The following PSMG4 variants were observed in gnomAD, a reference collection of about 807,000 sequenced individuals.
The protein encoded by PSMG4 is proteasome (prosome, macropain) assembly chaperone 4.
Under a neutral mutation model 11.0 loss-of-function variants are expected in PSMG4, and 10 were observed. That is an observed-to-expected ratio of 0.91 (90% CI 0.56 to 1.54). The LOEUF (loss-of-function observed/expected upper bound fraction) is 1.54, where lower values mean the gene tolerates loss of function less well. PSMG4 is among the 40% of genes most tolerant of loss of function. PSMG4 has a pLI of 0.00. For missense variants in PSMG4, 198 were observed against 160.9 expected (o/e 1.23, Z -1.25); for synonymous variants, 95 against 71.3 (o/e 1.33, Z -1.68).
At chr6:3,254,495 T>TG (rs1285232660), upstream of PSMG4, among the ~76,000 whole-genome samples, 1 of 151,990 alleles carries the variant, frequency 6.6e-6, no homozygotes, top group Admixed American at 6.6e-5. Context: ...GCTGGTGGTT[T>TG]TTTGTGTATG....
In PSMG4 at chr6:3,267,641, G is replaced by A; in HGVS notation, c.301G>A (p.Asp101Asn). ...TGTCAGCTATAACCTTCAGAACACA[G>A]ACAGTAACTTCGCATTACTTGTAGA... ...VFVSYNLQNT[D>N]SNFALLVENR... The change falls in exon 3 of 3, where the codon GAC (aspartate) becomes AAC (asparagine). Residue 101 changes from aspartate (D) to asparagine (N), a missense_variant. Transcript: ENST00000438998. 6.4e-7 allele frequency: 1 copy of A among 1,552,136 alleles called. No individual in the cohort carries two copies.
chr6:3,259,443 G>C (rs927697298), intron 1 of PSMG4, among the ~76,000 whole-genome samples: 1 of 152,240 alleles, frequency 6.6e-6, no homozygotes, highest in African/African-American at 2.4e-5. Context: ...ACTGGTCTCT[G>C]TAGGTCAGAA....
At chr6:3,260,291 A>ATATATATTTTTTTT in intron 1 of PSMG4, among the ~76,000 whole-genome samples, 3 of 70,840 alleles carry the variant, frequency 4.2e-5, no homozygotes, top group African/African-American at 1.6e-4. Context: ...ATATATATAT[A>ATATATATTTTTTTT]TTTTTTTTTT....
chr6:3,256,134 C>T (rs962798154), upstream of PSMG4, among the ~76,000 whole-genome samples: 12 of 152,182 alleles, frequency 7.9e-5, no homozygotes, highest in African/African-American at 2.4e-4. Flanking sequence ...ACCATCCTCC[C>T]CAGGATGGAA....
intron 2 of PSMG4, chr6:3,264,740 A>G (rs1231691365): frequency 1.3e-5 from 2 of 155,420 alleles, no homozygotes; most frequent in Non-Finnish European, 2.8e-5. Context: ...TAAAATTTAC[A>G]GAAAAGTTGC....
chr6:3,261,712 C>T (rs1439114041), intron 1 of PSMG4, among the ~76,000 whole-genome samples: 1 of 152,186 alleles, frequency 6.6e-6, no homozygotes, highest in Non-Finnish European at 1.5e-5. Context: ...TAGGCATTAG[C>T]TTAAGGCAGG....
In PSMG4 at chr6:3,259,002, G is replaced by A; in HGVS notation, c.-21G>A. The A allele has an allele frequency of 8.1e-7, 1 of 1,241,588 alleles. No homozygotes were observed. Among genetic ancestry groups the A allele is most frequent in the South Asian group, 3.8e-5 (1 of 26,520 alleles). The allele number at this position is 1,241,588 out of a possible 1,614,324, so 76.9% of individuals were successfully genotyped here. ...GCGAGGACCCGGGTCTGGCGCTGTG[G>A]GCCGGGAGCCGTGGGGCGGCATGGA... On this transcript the variant is annotated 5_prime_UTR_variant, in exon 1 of 3. Coordinates refer to ENST00000438998, the MANE Select transcript of PSMG4 (RefSeq NM_001128591.2).
At chr6:3,261,745 G>C (rs11242839) in intron 1 of PSMG4, among the ~76,000 whole-genome samples, 5 of 151,698 alleles carry the variant, frequency 3.3e-5, no homozygotes, top group Admixed American at 1.3e-4. Context: ...CCTGTGACCC[G>C]TGGGGCGGCC....
upstream of PSMG4, among the ~76,000 whole-genome samples, chr6:3,255,528 GTC>G (rs1315626495): frequency 6.6e-6 from 1 of 152,166 alleles, no homozygotes; most frequent in Non-Finnish European, 1.5e-5. Context: ...CTGCCCATGA[GTC>G]TGTATAGACT....
At chr6:3,257,830 TTG>T (rs1161104572), upstream of PSMG4, among the ~76,000 whole-genome samples, 1 of 152,210 alleles carries the variant, frequency 6.6e-6, no homozygotes, top group Non-Finnish European at 1.5e-5. Flanking sequence ...AGACTTCAAT[TTG>T]TACACTATAT....
intron 1 of PSMG4, among the ~76,000 whole-genome samples, chr6:3,261,190 G>C (rs1757976616): frequency 6.6e-6 from 1 of 152,088 alleles, no homozygotes; most frequent in African/African-American, 2.4e-5. Flanking sequence ...GCCTTGGGAA[G>C]GAGATGGCAT....
upstream of PSMG4, among the ~76,000 whole-genome samples, chr6:3,257,083 AGAT>A (rs1433276509): frequency 5.9e-5 from 9 of 152,216 alleles, no homozygotes; most frequent in Non-Finnish European, 1.3e-4. Flanking sequence ...GGTCCAATGA[AGAT>A]AAGCATTTTA....
chr6:3,259,028 G>A lies in PSMG4; in HGVS notation c.6G>A (p.Glu2=). The change falls in exon 1 of 3, where the codon GAG becomes GAA. Residue 2 remains glutamate (E), a synonymous_variant. Coordinates refer to ENST00000438998, the MANE Select transcript of PSMG4 (RefSeq NM_001128591.2). ...GCCGGGAGCCGTGGGGCGGCATGGA[G>A]GGGCTGGTTGTCGCCGCCGGCGGGG... M[E]GLVVAAGGDV... is the part of the protein sequence containing the mutation. 8.0e-7 allele frequency: 1 copy of A among 1,248,430 alleles called. No homozygotes were observed. Among genetic ancestry groups the A allele is most frequent in the African/African-American group, 1.5e-5 (1 of 64,582 alleles). 77.3% of individuals were successfully genotyped at this position (1,248,430 alleles called of 1,614,324 possible). A position where few individuals can be genotyped will look rare whatever the true frequency, so the allele number is the denominator to read the frequency against.
At chr6:3,266,996 C>T (rs1303966239) in intron 2 of PSMG4, 1 of 151,034 alleles carries the variant, frequency 6.6e-6, no homozygotes, top group Admixed American at 6.6e-5. Context: ...GCTGGGACTA[C>T]AGGCGCCCGC....
At chr6:3,256,807 T>C (rs746974506), upstream of PSMG4, among the ~76,000 whole-genome samples, 18 of 152,194 alleles carry the variant, frequency 1.2e-4, no homozygotes, top group Non-Finnish European at 2.2e-4. Flanking sequence ...CCATCAGTTA[T>C]TGTATGTGGG....
chr6:3,261,570 C>T (rs1288987891), intron 1 of PSMG4, among the ~76,000 whole-genome samples: 1 of 152,166 alleles, frequency 6.6e-6, no homozygotes, highest in African/African-American at 2.4e-5. Flanking sequence ...CCAGCAAAGC[C>T]AGGCAGGAAA....
chr6:3,267,451 G>C (rs1758238421), intron 2 of PSMG4, 140 bp from the exon 3 acceptor site: 1 of 895,522 alleles, frequency 1.1e-6, no homozygotes, highest in Non-Finnish European at 1.6e-6. Flanking sequence ...TGTCTGAAGA[G>C]AGGCATGGAG....
upstream of PSMG4, among the ~76,000 whole-genome samples, chr6:3,254,483 T>C (rs4997139): frequency 0.88 from 133,080 of 151,796 alleles, 58,484 homozygotes; most frequent in African/African-American, 0.9. Context: ...ATAAATATTG[T>C]TGCTGGTGGT....
rs1758250697 is a variant in PSMG4, at chr6:3,267,699, C to T, written c.359C>T (p.Pro120Leu). ...NRIKEEMEAF[P>L]EKF Reference sequence around the variant, plus strand: ...ATCAAGGAAGAGATGGAGGCTTTCCCCGAAAAGTTCTAGCTGAGTGGCAGA... The same window carrying T: ...ATCAAGGAAGAGATGGAGGCTTTCCTCGAAAAGTTCTAGCTGAGTGGCAGA... The change falls in exon 3 of 3, where the codon CCC (proline) becomes CTC (leucine). Residue 120 changes from proline (P) to leucine (L), a missense_variant. Transcript: ENST00000438998. 6.4e-7 allele frequency: 1 copy of T among 1,552,120 alleles called. No individual in the cohort carries two copies. The highest frequency in any genetic ancestry group is 8.7e-7 in the Non-Finnish European group (1 of 1,146,986).
Sources: gnomAD v4.1 joint callset for allele counts (sites outside exome capture counted in the v4.1 genomes callset) on GRCh38, gnomAD v4.1.1 for gene constraint, MANE v1.5 for transcripts, NCBI Gene and HGNC (gene_info 2026-07-23, HGNC 2026-07-21) for gene names.